SMIM5: variants seen among roughly 807,000 people sequenced by gnomAD.
SMIM5 encodes the protein chromosome 17 open reading frame 109.
In SMIM5, 4 loss-of-function variants were observed where a neutral mutation model predicts 4.0. That is an observed-to-expected ratio of 1.01 (90% confidence interval 0.50 to 2.30). The LOEUF (loss-of-function observed/expected upper bound fraction) is 2.30, where lower values mean the gene tolerates loss of function less well. Among genes scored for constraint, SMIM5 ranks in the 30% most tolerant of loss-of-function variants. The probability of loss-of-function intolerance (pLI) is 0.02; values close to 1 mark genes in which losing one functional copy is unlikely to be tolerated. For missense variants in SMIM5, 107 were observed against 99.2 expected (o/e 1.08, Z -0.34); for synonymous variants, 46 against 43.6 (o/e 1.05, Z -0.22).
At chr17:75,635,354 G>A (rs951667173) in intron 1 of SMIM5, among the ~76,000 whole-genome samples, 2 of 152,188 alleles carry the variant, frequency 1.3e-5, no homozygotes, top group South Asian at 4.1e-4. Flanking sequence ...GGCAGGTGGG[G>A]ATCCCTGTCC....
At position 75,640,938 on chromosome 17, in the gene SMIM5, C is replaced by T. The variant is rs775976120; in HGVS notation, c.*41C>T. ...TGAGGAGAAGCTGGAGAGGAGATGGCCAATGCCATGACACAGGCCATCAGC... is the reference window on the plus strand; with the variant it reads ...TGAGGAGAAGCTGGAGAGGAGATGGTCAATGCCATGACACAGGCCATCAGC... On this transcript the variant is annotated 3_prime_UTR_variant, in exon 3 of 3. Transcript: ENST00000375215. This position sits in a 1 kb window ranked among gnomAD's most constrained non-coding sequence, Gnocchi z 4.6. 1.0e-5 allele frequency: 16 copies of T among 1,534,898 alleles called. No homozygotes were observed. Among genetic ancestry groups the T allele is most frequent in the Non-Finnish European group, 1.4e-5 (16 of 1,144,118 alleles).
Position 75,640,188 on chromosome 17 carries a change from G to A in SMIM5, c.-14G>A. Reference sequence around the variant, plus strand: ...CAGAGCCCGGCAGGAGCCCCAACAGGAAGCCAGCGCGGCATGGCTGCCACC... The same window carrying A: ...CAGAGCCCGGCAGGAGCCCCAACAGAAAGCCAGCGCGGCATGGCTGCCACC... On this transcript the variant is annotated 5_prime_UTR_variant, in exon 2 of 3. Transcript: ENST00000375215. The surrounding 1 kb of genome is among the most constrained non-coding windows in gnomAD (Gnocchi z 4.6). 1 of 1,540,804 alleles carries A rather than the reference G, an allele frequency of 6.5e-7. No individual in the cohort carries two copies. The highest frequency in any genetic ancestry group is 8.7e-7 in the Non-Finnish European group (1 of 1,142,974).
At position 75,640,268 on chromosome 17, in the gene SMIM5, A is replaced by G. The variant is rs2059410571; in HGVS notation, c.67A>G (p.Arg23Gly). The G allele has an allele frequency of 6.4e-7, 1 of 1,551,458 alleles. No homozygotes were observed. The highest frequency in any genetic ancestry group is 1.2e-5 in the South Asian group (1 of 84,042). ...VGERLLLKLQ[R>G]LPQAEPVEIV... ...CGAGAGGCTGCTGCTCAAGCTGCAG[A>G]GACTGCCCCAGGCTGAGCCCGTGGA... Residue 23 changes from arginine (R) to glycine (G), a missense_variant, in exon 2 of 3, where the codon AGA (arginine) becomes GGA (glycine). Coordinates refer to ENST00000375215, the MANE Select transcript of SMIM5 (RefSeq NM_001162995.3). The surrounding 1 kb of genome is among the most constrained non-coding windows in gnomAD (Gnocchi z 4.6).
chr17:75,640,824 GCTGCTGCTGCACTCA>G lies in SMIM5; in HGVS notation c.172_186del (p.Thr58_Cys62del). On this transcript the variant is annotated inframe_deletion, in exon 3 of 3. Coordinates refer to ENST00000375215, the MANE Select transcript of SMIM5 (RefSeq NM_001162995.3). The surrounding 1 kb of genome is among the most constrained non-coding windows in gnomAD (Gnocchi z 4.6). ...CTGCTGTTGCTGCTGATAGCCTGCA[GCTGCTGCTGCACTCA>G]CTGCTGCTGCCCTGAGCGGAGAGGC... The G allele has an allele frequency of 6.5e-7, 1 of 1,550,102 alleles. No individual in the cohort carries two copies. The highest frequency in any genetic ancestry group is 8.7e-7 in the Non-Finnish European group (1 of 1,146,932).
intron 1 of SMIM5, chr17:75,638,124 G>C (rs2059362079): frequency 6.6e-6 from 1 of 152,090 alleles, no homozygotes; most frequent in Non-Finnish European, 1.5e-5. Flanking sequence ...CACGGCTTTT[G>C]ACAAGAACTC....
intron 1 of SMIM5, chr17:75,639,758 T>A (rs2059398496): frequency 6.4e-6 from 1 of 156,462 alleles, no homozygotes; most frequent in Non-Finnish European, 1.4e-5. Flanking sequence ...GCTCCTTCTG[T>A]CCCCACATTG....
Position 75,640,173 on chromosome 17 carries a change from C to T in SMIM5, c.-29C>T. 1 of 1,530,134 alleles carries T rather than the reference C, an allele frequency of 6.5e-7. No homozygotes were observed. The highest frequency in any genetic ancestry group is 8.8e-7 in the Non-Finnish European group (1 of 1,138,946). The allele number at this position is 1,530,134 out of a possible 1,614,324, so 94.8% of individuals were successfully genotyped here. On this transcript the variant is annotated 5_prime_UTR_variant, in exon 2 of 3. Transcript: ENST00000375215. This position sits in a 1 kb window ranked among gnomAD's most constrained non-coding sequence, Gnocchi z 4.6. ...TTCTCTCTGCCCCAGCAGAGCCCGG[C>T]AGGAGCCCCAACAGGAAGCCAGCGC...
Position 75,640,189 on chromosome 17 carries a change from A to T in SMIM5, c.-13A>T. Reference sequence around the variant, plus strand: ...AGAGCCCGGCAGGAGCCCCAACAGGAAGCCAGCGCGGCATGGCTGCCACCG... The same window carrying T: ...AGAGCCCGGCAGGAGCCCCAACAGGTAGCCAGCGCGGCATGGCTGCCACCG... On this transcript the variant is annotated 5_prime_UTR_variant, in exon 2 of 3. Transcript: ENST00000375215. The surrounding 1 kb of genome is among the most constrained non-coding windows in gnomAD (Gnocchi z 4.6). 4 of 1,540,702 alleles carry T rather than the reference A, an allele frequency of 2.6e-6. No individual in the cohort carries two copies. The highest frequency in any genetic ancestry group is 2.0e-5 in the Admixed American group (1 of 49,888).
In SMIM5 at chr17:75,640,328, GGTTA is replaced by G; in HGVS notation, c.127+4_127+7del. 1 of 1,545,380 alleles carries G rather than the reference GGTTA, an allele frequency of 6.5e-7. No individual in the cohort carries two copies. Among genetic ancestry groups the G allele is most frequent in the African/African-American group, 1.4e-5 (1 of 73,010 alleles). On this transcript the variant is annotated splice_donor_variant and splice_donor_region_variant and intron_variant, in intron 2 of 2. Coordinates refer to ENST00000375215, the MANE Select transcript of SMIM5 (RefSeq NM_001162995.3). LOFTEE classifies it high-confidence loss of function. This position sits in a 1 kb window ranked among gnomAD's most constrained non-coding sequence, Gnocchi z 4.6. The stretch of plus-strand genomic sequence containing the variant: ...CTTCTCAGTCATCATCCTTTTCACA[GGTTA>G]GTTGGGGCACTCAGCACCCCATGGC...
At chr17:75,634,269 G>C in intron 1 of SMIM5, 67 bp downstream of exon 1, 4 of 985,020 alleles carry the variant, frequency 4.1e-6, no homozygotes, top group Non-Finnish European at 4.8e-6. Context: ...CTGCCCCCAG[G>C]GTGAAGGGCC....
In SMIM5 at chr17:75,635,750, C is replaced by T. The variant is rs1024465515; in HGVS notation, c.-37+1548C>T. ...CAAGGGTGACTAAAACCCACCATGACGAAACAACAGGGCAGAGCAAGCAGC... is the reference window on the plus strand; with the variant it reads ...CAAGGGTGACTAAAACCCACCATGATGAAACAACAGGGCAGAGCAAGCAGC... On this transcript the variant is annotated intron_variant, in intron 1 of 2. Coordinates refer to ENST00000375215, the MANE Select transcript of SMIM5 (RefSeq NM_001162995.3). 12 of 981,522 alleles carry T rather than the reference C, an allele frequency of 1.2e-5. No homozygotes were observed. In the South Asian group the frequency reaches 1.9e-4, roughly 15 times the overall value. 60.8% of individuals were successfully genotyped at this position (981,522 alleles called of 1,614,324 possible).
At chr17:75,635,333 C>T (rs993642610) in intron 1 of SMIM5, among the ~76,000 whole-genome samples, 4 of 152,166 alleles carry the variant, frequency 2.6e-5, no homozygotes, top group South Asian at 2.1e-4. Context: ...ACTCACAAGA[C>T]GCCCCAGGCA....
rs1202129323 is a variant in SMIM5, at chr17:75,641,054, CT to C, written c.*158del. 5 of 1,343,788 alleles carry C rather than the reference CT, an allele frequency of 3.7e-6. No individual in the cohort carries two copies. Among genetic ancestry groups the C allele is most frequent in the Non-Finnish European group, 4.9e-6 (5 of 1,011,612 alleles). 83.2% of individuals were successfully genotyped at this position (1,343,788 alleles called of 1,614,324 possible). A position where few individuals can be genotyped will look rare whatever the true frequency, so the allele number is the denominator to read the frequency against. ...TACCTGGACACTGACAACTTGAGCCCTACCAAGGAAACAAGGGCTGGTATAG... is the reference window on the plus strand; with the variant it reads ...TACCTGGACACTGACAACTTGAGCCCACCAAGGAAACAAGGGCTGGTATAG... On this transcript the variant is annotated 3_prime_UTR_variant, in exon 3 of 3. Transcript: ENST00000375215.
chr17:75,640,734 G>T lies in SMIM5; in HGVS notation c.128-57G>T. Reference sequence around the variant, plus strand: ...AGGCAGTGGGTTTCTCTGGGAGGAGGGTGGGCATCCTTTCTCTCCCCCAAC... The same window carrying T: ...AGGCAGTGGGTTTCTCTGGGAGGAGTGTGGGCATCCTTTCTCTCCCCCAAC... On this transcript the variant is annotated intron_variant, in intron 2 of 2. Transcript: ENST00000375215. This position sits in a 1 kb window ranked among gnomAD's most constrained non-coding sequence, Gnocchi z 4.6. The T allele has an allele frequency of 1.3e-6, 2 of 1,527,680 alleles. No homozygotes were observed. Among genetic ancestry groups the T allele is most frequent in the Non-Finnish European group, 8.8e-7 (1 of 1,131,434 alleles). 94.6% of individuals were successfully genotyped at this position (1,527,680 alleles called of 1,614,324 possible).
In SMIM5 at chr17:75,634,196, C is replaced by A. The variant is rs1454249739; in HGVS notation, c.-43C>A. 1.0e-6 allele frequency: 1 copy of A among 985,546 alleles called. No homozygotes were observed. The highest frequency in any genetic ancestry group is 1.7e-5 in the African/African-American group (1 of 57,382). The allele number at this position is 985,546 out of a possible 1,614,324, so 61.1% of individuals were successfully genotyped here. The stretch of plus-strand genomic sequence containing the variant: ...TGCTGCTCAGCCCCCAACACCTGAG[C>A]TCCCAGGTGAGTGGCAATGGCCACA... On this transcript the variant is annotated 5_prime_UTR_variant, in exon 1 of 3. Transcript: ENST00000375215.
In SMIM5 at chr17:75,634,110, GAGC is replaced by G; in HGVS notation, c.-125_-123del. 1 of 985,574 alleles carries G rather than the reference GAGC, an allele frequency of 1.0e-6. No homozygotes were observed. The allele number at this position is 985,574 out of a possible 1,614,324, so 61.1% of individuals were successfully genotyped here. A position where few individuals can be genotyped will look rare whatever the true frequency, so the allele number is the denominator to read the frequency against. On this transcript the variant is annotated 5_prime_UTR_variant, in exon 1 of 3. Coordinates refer to ENST00000375215, the MANE Select transcript of SMIM5 (RefSeq NM_001162995.3). ...AGGAGCTGGGCTGAGGCGCCCAGGG[GAGC>G]AGCGGCGCCCACGAAGGAAGTACGA... is the stretch of plus-strand genomic sequence containing the variant.
rs1039262227 is a variant in SMIM5 at position 75,636,533 on chromosome 17, G to A, written c.-37+2331G>A. On this transcript the variant is annotated intron_variant, in intron 1 of 2. Transcript: ENST00000375215. The surrounding 1 kb of genome is among the most constrained non-coding windows in gnomAD (Gnocchi z 5.4). ...ACACTAAGGTTCCCTTAGGAGCAGCGGCTGGGGCACATGCCACACAGTCAC... is the reference window on the plus strand; with the variant it reads ...ACACTAAGGTTCCCTTAGGAGCAGCAGCTGGGGCACATGCCACACAGTCAC... 1.3e-5 allele frequency: 2 copies of A among 152,196 alleles called. No homozygotes were observed. Among genetic ancestry groups the A allele is most frequent in the Non-Finnish European group, 1.5e-5 (1 of 68,062 alleles). 9.4% of individuals were successfully genotyped at this position (152,196 alleles called of 1,614,324 possible).
intron 1 of SMIM5, chr17:75,637,265 C>G (rs375342446): frequency 5.2e-5 from 8 of 152,512 alleles, no homozygotes; most frequent in East Asian, 3.9e-4. Flanking sequence ...TCCCTGCCCG[C>G]TCCCTCTTTG....
At chr17:75,635,936 A>G (rs2148264398) in intron 1 of SMIM5, 2 of 866,618 alleles carry the variant, frequency 2.3e-6, no homozygotes, top group Non-Finnish European at 2.8e-6. Context: ...GGCCTGCGGG[A>G]TGCCTGCCTG....
Sources: gnomAD v4.1 joint callset for allele counts (sites outside exome capture counted in the v4.1 genomes callset) on GRCh38, gnomAD v4.1.1 for gene constraint, Gnocchi (gnomAD v3.1) non-coding constraint, MANE v1.5 for transcripts, NCBI Gene and HGNC (gene_info 2026-07-23, HGNC 2026-07-21) for gene names.